SAXO1: variants seen among roughly 807,000 people sequenced by gnomAD.
SAXO1 encodes 4930500O09Rik.
A neutral mutation model predicts 17.5 loss-of-function variants in SAXO1; 21 were observed. That is an observed-to-expected ratio of 1.20 (90% CI 0.85 to 1.72). The LOEUF is 1.72. Among genes scored for constraint, SAXO1 ranks in the 40% most tolerant of loss-of-function variants. The probability of loss-of-function intolerance (pLI) is 0.00; values close to 1 mark genes in which losing one functional copy is unlikely to be tolerated. For missense variants in SAXO1, 843 were observed against 596.0 expected (o/e 1.41, Z -4.32); for synonymous variants, 274 against 216.5 (o/e 1.27, Z -2.33).
chr9:19,041,250 A>G (rs1836072344), intron 1 of SAXO1, among the ~76,000 whole-genome samples: 1 of 152,056 alleles, frequency 6.6e-6, no homozygotes, highest in South Asian at 2.1e-4. Flanking sequence ...GAAGTGAAAG[A>G]GCTCTACAAT....
chr9:19,021,140 T>G (rs1835216761), intron 1 of SAXO1, among the ~76,000 whole-genome samples: 1 of 152,202 alleles, frequency 6.6e-6, no homozygotes, highest in Non-Finnish European at 1.5e-5. Flanking sequence ...GGAGACAGCC[T>G]CATGCCAGAA....
At chr9:18,979,226 C>T (rs1833272088) in intron 1 of SAXO1, among the ~76,000 whole-genome samples, 1 of 152,134 alleles carries the variant, frequency 6.6e-6, no homozygotes, top group African/African-American at 2.4e-5. Flanking sequence ...ATAGATTTCC[C>T]AATTAACTGA....
At chr9:19,022,167 G>A (rs1324643469) in intron 1 of SAXO1, among the ~76,000 whole-genome samples, 1 of 152,184 alleles carries the variant, frequency 6.6e-6, no homozygotes, top group African/African-American at 2.4e-5. Context: ...CAACTCCGGA[G>A]GCGCCACCTT....
At chr9:18,935,925 G>A (rs1330992850) in intron 3 of SAXO1, among the ~76,000 whole-genome samples, 1 of 152,142 alleles carries the variant, frequency 6.6e-6, no homozygotes, top group Non-Finnish European at 1.5e-5. Flanking sequence ...GAAACAGCAG[G>A]GGTGGGGATG....
chr9:18,944,226 T>C (rs1019203732), intron 2 of SAXO1, among the ~76,000 whole-genome samples: 1 of 152,220 alleles, frequency 6.6e-6, no homozygotes, highest in Non-Finnish European at 1.5e-5. Context: ...CGGTATCTAC[T>C]TCTGAAGAGA....
chr9:18,941,450 TA>T (rs529771092), intron 3 of SAXO1, among the ~76,000 whole-genome samples, 186 bp downstream of exon 3: 1,794 of 151,562 alleles, frequency 0.012, 27 homozygotes, highest in African/African-American at 0.039. Context: ...TTTCAATTAT[TA>T]AAAAAAAATG....
intron 2 of SAXO1, among the ~76,000 whole-genome samples, chr9:18,948,715 G>T (rs559133321): frequency 1.3e-5 from 2 of 152,198 alleles, no homozygotes; most frequent in East Asian, 3.9e-4. Flanking sequence ...CAGACCAAGG[G>T]TTTGTCCCCA....
At chr9:19,035,066 G>A (rs1439571259), upstream of SAXO1, among the ~76,000 whole-genome samples, 4 of 152,160 alleles carry the variant, frequency 2.6e-5, no homozygotes, top group East Asian at 7.7e-4. Flanking sequence ...AAAGATCAGT[G>A]CTAGACAGTA....
chr9:19,044,918 A>G (rs1366675718), intron 1 of SAXO1, among the ~76,000 whole-genome samples: 2 of 152,062 alleles, frequency 1.3e-5, no homozygotes, highest in Admixed American at 6.6e-5. Context: ...AAGGAGCAAC[A>G]TTTTTACCAC....
At chr9:18,984,215 G>T (rs1833504838) in intron 1 of SAXO1, among the ~76,000 whole-genome samples, 1 of 152,158 alleles carries the variant, frequency 6.6e-6, no homozygotes, top group Non-Finnish European at 1.5e-5. Flanking sequence ...CATTTATAGG[G>T]CATAGGCAGA....
intron 1 of SAXO1, among the ~76,000 whole-genome samples, chr9:19,008,785 G>A (rs1337023978): frequency 2.0e-5 from 3 of 152,110 alleles, no homozygotes; most frequent in Non-Finnish European, 2.9e-5. Context: ...AGAAGGAGGG[G>A]ACCCCCAGCC....
intron 1 of SAXO1, among the ~76,000 whole-genome samples, chr9:19,044,414 T>C (rs569329229): frequency 2.6e-5 from 4 of 152,324 alleles, no homozygotes; most frequent in South Asian, 4.1e-4. Flanking sequence ...AGCTGGCAGA[T>C]TGAACACACG....
intron 1 of SAXO1, 103 bp downstream of exon 1, chr9:19,032,768 C>T: frequency 7.6e-7 from 1 of 1,308,816 alleles, no homozygotes; most frequent in East Asian, 2.4e-5. Flanking sequence ...GTGGACGAAC[C>T]CACCGTGATG....
upstream of SAXO1, among the ~76,000 whole-genome samples, chr9:19,036,508 G>C (rs1808297526): frequency 6.6e-6 from 1 of 152,100 alleles, no homozygotes; most frequent in African/African-American, 2.4e-5. Context: ...CCAGCCTAGG[G>C]ACTTGGTGCC....
At chr9:18,951,346 C>T (rs888908540) in intron 1 of SAXO1, among the ~76,000 whole-genome samples, 3 of 152,160 alleles carry the variant, frequency 2.0e-5, no homozygotes, top group African/African-American at 7.2e-5. Flanking sequence ...ACAGGGTGCT[C>T]CAAGGCTCTC....
chr9:18,963,358 G>C (rs1832571714), intron 1 of SAXO1, among the ~76,000 whole-genome samples: 1 of 151,648 alleles, frequency 6.6e-6, no homozygotes, highest in Non-Finnish European at 1.5e-5. Context: ...ATGGTAGCTT[G>C]ATGGGAATAG....
intron 1 of SAXO1, among the ~76,000 whole-genome samples, chr9:19,001,583 C>A (rs897524212): frequency 2.6e-5 from 4 of 151,388 alleles, no homozygotes; most frequent in African/African-American, 7.3e-5. Flanking sequence ...AGGAGAATGG[C>A]ATGAACCCGG....
chr9:18,979,984 G>A (rs1441081185), intron 1 of SAXO1, among the ~76,000 whole-genome samples: 9 of 152,202 alleles, frequency 5.9e-5, no homozygotes, highest in Non-Finnish European at 1.2e-4. Flanking sequence ...AGACTGTACT[G>A]GGCAAGTGAA....
At chr9:18,976,817 G>A (rs1298958338) in intron 1 of SAXO1, among the ~76,000 whole-genome samples, 2 of 152,158 alleles carry the variant, frequency 1.3e-5, no homozygotes, top group Non-Finnish European at 2.9e-5. Context: ...TAAGAAACTG[G>A]TTTAGCTAGT....
Sources: gnomAD v4.1 joint callset for allele counts (sites outside exome capture counted in the v4.1 genomes callset) on GRCh38, gnomAD v4.1.1 for gene constraint, MANE v1.5 for transcripts, NCBI Gene and HGNC (gene_info 2026-07-23, HGNC 2026-07-21) for gene names.